The following TTC3 variants were observed in gnomAD, a reference collection of about 807,000 sequenced individuals.
TTC3 encodes tetratricopeptide repeat domain 3.
Under a neutral mutation model 249.6 loss-of-function variants are expected in TTC3, and 180 were observed. The observed-to-expected ratio is 0.72, with a 90% confidence interval of 0.64 to 0.82. The LOEUF (loss-of-function observed/expected upper bound fraction) is 0.82. Ranked by LOEUF, TTC3 falls within the 40% of genes least tolerant of loss-of-function variation. The pLI, the probability that TTC3 is intolerant of heterozygous loss-of-function variation, is 0.00. For missense variants in TTC3, 2,061 were observed against 2,398.4 expected (o/e 0.86, Z 2.94); for synonymous variants, 717 against 805.0 (o/e 0.89, Z 1.85).
chr21:37,109,481 G>A (rs2075410219), intron 11 of TTC3, among the ~76,000 whole-genome samples: 1 of 152,214 alleles, frequency 6.6e-6, no homozygotes, highest in African/African-American at 2.4e-5. Flanking sequence ...AGCAGTCTGA[G>A]ATCAAACTGC....
Position 37,106,483 on chromosome 21 carries a change from G to T in TTC3, c.846-1909G>T, listed in dbSNP as rs758417321. Reference sequence around the variant, plus strand: ...GTTTATCATCTTTACCCATTCAAAGGTCACCAGATTTTCTATGTTTCATCT... The same window carrying T: ...GTTTATCATCTTTACCCATTCAAAGTTCACCAGATTTTCTATGTTTCATCT... On this transcript the variant is annotated intron_variant, in intron 10 of 45. Coordinates refer to ENST00000355666, the Ensembl canonical transcript of TTC3. Among the ~76,000 whole-genome samples the T allele has an allele frequency of 6.7e-4, 102 of 152,224 alleles. 1 individual carries two copies. Among genetic ancestry groups the T allele is most frequent in the Admixed American group, 1.5e-3 (23 of 15,298 alleles).
At chr21:37,117,454 G>A (rs1369318894) in intron 11 of TTC3, among the ~76,000 whole-genome samples, 1 of 152,108 alleles carries the variant, frequency 6.6e-6, no homozygotes, top group East Asian at 1.9e-4. Flanking sequence ...TGAACCTGGT[G>A]TTTGACAGGT....
chr21:37,093,917 T>A, intron 7 of TTC3, 88 bp from the exon 8 acceptor site: 1 of 811,066 alleles, frequency 1.2e-6, no homozygotes, highest in Non-Finnish European at 2.0e-6. Context: ...TGGACTCACC[T>A]AACTCAAGAA....
intron 6 of TTC3, 56 bp downstream of exon 6, chr21:37,090,342 C>A: frequency 7.0e-7 from 1 of 1,434,362 alleles, no homozygotes; most frequent in South Asian, 1.2e-5. Flanking sequence ...GCAGTCATCT[C>A]ACTGCTCATT....
chr21:37,160,498 T>G (rs1418498503), intron 29 of TTC3, among the ~76,000 whole-genome samples: 1 of 152,210 alleles, frequency 6.6e-6, no homozygotes, highest in Non-Finnish European at 1.5e-5. Context: ...TTTACTATTA[T>G]GGCATCTAAC....
chr21:37,123,096 C>T (rs368028581), intron 13 of TTC3, 68 bp downstream of exon 13: 102 of 1,538,686 alleles, frequency 6.6e-5, no homozygotes, highest in Non-Finnish European at 2.2e-5. Context: ...TTAAGAATCA[C>T]TTATGTTTGA....
At chr21:37,087,322 A>G (rs748900793) in exon 2 of TTC3, 4 of 1,614,086 alleles carry the variant, frequency 2.5e-6, no homozygotes, top group Admixed American at 3.3e-5. Flanking sequence ...GATTGCCCTC[A>G]CGTGGATGAT....
intron 1 of TTC3, among the ~76,000 whole-genome samples, chr21:37,077,434 G>T (rs769301097): frequency 6.6e-6 from 1 of 152,316 alleles, no homozygotes; most frequent in South Asian, 2.1e-4. Context: ...CTAGAAATGG[G>T]ATTGCTAGAT....
At chr21:37,098,831 G>A (rs2074200396) in intron 10 of TTC3, 1 of 152,128 alleles carries the variant, frequency 6.6e-6, no homozygotes, top group Non-Finnish European at 1.5e-5. Flanking sequence ...GACACAGGAG[G>A]ACCCATGCCT....
At chr21:37,119,025 GT>G (rs146575675) in intron 11 of TTC3, among the ~76,000 whole-genome samples, 1 of 152,214 alleles carries the variant, frequency 6.6e-6, no homozygotes, top group East Asian at 1.9e-4. Context: ...TTTGTGGGTT[GT>G]TTTCAGTTGG....
At chr21:37,083,000 A>G (rs939812734) in intron 1 of TTC3, 2 of 985,420 alleles carry the variant, frequency 2.0e-6, no homozygotes, top group Non-Finnish European at 2.4e-6. Context: ...GGATTGCACA[A>G]TATATCCTCT....
chr21:37,192,845 A>C (rs1301222780), intron 41 of TTC3, among the ~76,000 whole-genome samples: 1 of 152,228 alleles, frequency 6.6e-6, no homozygotes, highest in Non-Finnish European at 1.5e-5. Flanking sequence ...CACAGTAAAG[A>C]AAAGCATTAA....
At chr21:37,166,070 G>A in exon 33 of TTC3, 2 of 1,614,214 alleles carry the variant, frequency 1.2e-6, no homozygotes, top group South Asian at 2.2e-5. Flanking sequence ...CTCTGAGGAT[G>A]CAAATTACAA....
chr21:37,115,393 G>C (rs1314787800), intron 11 of TTC3, among the ~76,000 whole-genome samples: 1 of 152,060 alleles, frequency 6.6e-6, no homozygotes, highest in African/African-American at 2.4e-5. Flanking sequence ...GTGTTGGTGG[G>C]TATGTGTAGT....
At chr21:37,199,005 A>G (rs1216940948) in intron 44 of TTC3, among the ~76,000 whole-genome samples, 1 of 152,174 alleles carries the variant, frequency 6.6e-6, no homozygotes, top group Non-Finnish European at 1.5e-5. Flanking sequence ...AGAGGCCTTC[A>G]ATGGCTCTTC....
chr21:37,088,452 T>C, intron 4 of TTC3, 106 bp downstream of exon 4: 1 of 1,367,442 alleles, frequency 7.3e-7, no homozygotes, highest in Non-Finnish European at 9.9e-7. Flanking sequence ...TCTTGTATGC[T>C]GCTCAACGTT....
At chr21:37,109,460 A>T (rs1022859290) in intron 11 of TTC3, among the ~76,000 whole-genome samples, 69 of 152,226 alleles carry the variant, frequency 4.5e-4, no homozygotes, top group Non-Finnish European at 7.1e-4. Flanking sequence ...AGCCTCGCTC[A>T]TTGCTAGCAC....
At chr21:37,147,794 T>C (rs1248641912) in intron 22 of TTC3, among the ~76,000 whole-genome samples, 191 bp downstream of exon 22, 1 of 151,746 alleles carries the variant, frequency 6.6e-6, no homozygotes, top group Non-Finnish European at 1.5e-5. Context: ...AGTGGCACGA[T>C]CTTGGCTCAC....
exon 8 of TTC3, chr21:37,094,090 G>A (rs373836289): frequency 1.3e-6 from 2 of 1,545,694 alleles, no homozygotes; most frequent in Non-Finnish European, 1.8e-6. Flanking sequence ...ATTGTATAGA[G>A]GTGAGAATGA....
Sources: allele counts gnomAD v4.1 joint callset (sites outside exome capture counted in the v4.1 genomes callset), GRCh38; gene constraint gnomAD v4.1.1; transcripts MANE v1.5; gene names NCBI Gene and HGNC (gene_info 2026-07-23, HGNC 2026-07-21).